The following HLTF variants were observed in gnomAD, a reference collection of about 807,000 sequenced individuals.
HLTF encodes helicase like transcription factor.
A neutral mutation model predicts 129.4 loss-of-function variants in HLTF; 127 were observed. The observed-to-expected ratio is 0.98, with a 90% CI of 0.85 to 1.14. The LOEUF (loss-of-function observed/expected upper bound fraction) is 1.14. Ranked by LOEUF, HLTF falls within the 50% of genes most tolerant of loss-of-function variation. HLTF has a pLI of 0.00. For missense variants in HLTF, 1,139 were observed against 1,187.1 expected (o/e 0.96, Z 0.60); for synonymous variants, 332 against 388.8 (o/e 0.85, Z 1.72).
At chr3:149,075,017 G>C (rs1221979366) in intron 3 of HLTF, among the ~76,000 whole-genome samples, 3 of 152,182 alleles carry the variant, frequency 2.0e-5, no homozygotes, top group African/African-American at 7.2e-5. Context: ...TAAAGGGAGA[G>C]TTCCAGTCAA....
intron 13 of HLTF, among the ~76,000 whole-genome samples, chr3:149,056,592 A>G (rs956793358): frequency 2.0e-5 from 3 of 152,230 alleles, no homozygotes; most frequent in African/African-American, 7.2e-5. Context: ...AAGACCCTCA[A>G]TAGATACTTA....
intron 3 of HLTF, among the ~76,000 whole-genome samples, chr3:149,075,589 C>G (rs775789409): frequency 9.2e-5 from 14 of 152,154 alleles, no homozygotes; most frequent in Non-Finnish European, 1.6e-4. Flanking sequence ...TTCCAAATTC[C>G]TAAACCTAGG....
rs774561056 is a variant in HLTF at position 149,050,228 on chromosome 3, TTACTCCA to T, written c.1614_1617+3del. On this transcript the variant is annotated splice_donor_variant and splice_donor_region_variant and coding_sequence_variant and intron_variant, in exon 15 of 25. Coordinates refer to ENST00000310053, the MANE Select transcript of HLTF (RefSeq NM_003071.4). LOFTEE classifies it high-confidence loss of function. ...AAGATCTGTTAAGTATCAACAATAC[TTACTCCA>T]TAGTCATGAGTTAAAATATTATACG... 2 of 1,552,726 alleles carry T rather than the reference TTACTCCA, an allele frequency of 1.3e-6. No individual in the cohort carries two copies. Among genetic ancestry groups the T allele is most frequent in the Middle Eastern group, 3.4e-4 (2 of 5,812 alleles).
At chr3:149,060,750 A>T in intron 11 of HLTF, 29 bp downstream of exon 11, 1 of 1,604,734 alleles carries the variant, frequency 6.2e-7, no homozygotes, top group Non-Finnish European at 8.5e-7. Flanking sequence ...TATAGGACAC[A>T]TTATCAAATC....
Position 149,046,196 on chromosome 3 carries a change from T to C in HLTF, c.1956A>G (p.Gly652=). 6.2e-7 allele frequency: 1 copy of C among 1,607,786 alleles called. No individual in the cohort carries two copies. Among genetic ancestry groups the C allele is most frequent in the Non-Finnish European group, 8.5e-7 (1 of 1,175,308 alleles). The part of the protein sequence containing the change: ...LRRTKTSKIK[G]KPVLELPERK... ...GTTCTGGTAACTCCAAAACAGGTTT[T>C]CCTTTAATTTTGCTTGTCTTTGTTC... The change falls in exon 18 of 25, where the codon GGA becomes GGG. Residue 652 remains glycine, a synonymous_variant. Coordinates refer to ENST00000310053, the MANE Select transcript of HLTF (RefSeq NM_003071.4).
chr3:149,034,350 C>T (rs1256128995), intron 24 of HLTF, among the ~76,000 whole-genome samples: 3 of 151,902 alleles, frequency 2.0e-5, no homozygotes, highest in South Asian at 2.1e-4. Context: ...AAATATATTA[C>T]GATATATCTA....
chr3:149,037,802 T>C (rs552142265), intron 23 of HLTF, among the ~76,000 whole-genome samples: 3 of 152,314 alleles, frequency 2.0e-5, no homozygotes, highest in East Asian at 1.9e-4. Context: ...TTAGCCCACA[T>C]AGTACCCAGT....
chr3:149,033,399 T>G (rs1715301483), intron 24 of HLTF, among the ~76,000 whole-genome samples: 1 of 152,122 alleles, frequency 6.6e-6, no homozygotes, highest in Non-Finnish European at 1.5e-5. Context: ...AATGGGATTT[T>G]ATAACTAAAA....
intron 2 of HLTF, among the ~76,000 whole-genome samples, chr3:149,081,096 C>T (rs1719819867): frequency 6.6e-6 from 1 of 151,984 alleles, no homozygotes; most frequent in Non-Finnish European, 1.5e-5. Context: ...ACATCTTGTT[C>T]ACTCTGTTTC....
chr3:149,073,987 A>T (rs1394105344), intron 4 of HLTF, among the ~76,000 whole-genome samples: 3 of 152,030 alleles, frequency 2.0e-5, no homozygotes, highest in Non-Finnish European at 4.4e-5. Context: ...TTTTTCTTTA[A>T]TTTTTTTAAT....
chr3:149,073,417 G>A (rs1299228085), intron 4 of HLTF, 95 bp from the exon 5 acceptor site: 1 of 855,466 alleles, frequency 1.2e-6, no homozygotes, highest in Non-Finnish European at 1.8e-6. Flanking sequence ...AACAGGGCTG[G>A]GTGCTGTGGC....
intron 16 of HLTF, 34 bp from the exon 17 acceptor site, chr3:149,048,197 AC>A (rs1391812826): frequency 1.3e-6 from 2 of 1,563,840 alleles, no homozygotes; most frequent in Non-Finnish European, 1.7e-6. Flanking sequence ...TAACTCTTTA[AC>A]CAGAGTATCC....
At chr3:149,044,115 C>G (rs1716347072) in intron 18 of HLTF, among the ~76,000 whole-genome samples, 1 of 152,086 alleles carries the variant, frequency 6.6e-6, no homozygotes, top group East Asian at 1.9e-4. Context: ...TGTAAGTCAC[C>G]TAAACTGCTC....
intron 14 of HLTF, among the ~76,000 whole-genome samples, chr3:149,054,712 G>C: frequency 6.6e-6 from 1 of 152,128 alleles, no homozygotes; most frequent in Non-Finnish European, 1.5e-5. Flanking sequence ...TTTCTGATGG[G>C]TAGTGTTAAA....
intron 23 of HLTF, among the ~76,000 whole-genome samples, chr3:149,038,804 C>A (rs1230403148): frequency 6.6e-6 from 1 of 152,184 alleles, no homozygotes; most frequent in East Asian, 1.9e-4. Flanking sequence ...TGTGCCACAG[C>A]ACCTGGCCAA....
chr3:149,042,712 C>T (rs141929036), intron 18 of HLTF, among the ~76,000 whole-genome samples: 40 of 152,198 alleles, frequency 2.6e-4, no homozygotes, highest in Middle Eastern at 3.4e-3. Context: ...CAGAAACATA[C>T]AGGTGCACTG....
intron 16 of HLTF, 91 bp downstream of exon 16, chr3:149,048,772 C>A: frequency 1.1e-6 from 1 of 927,850 alleles, no homozygotes; most frequent in East Asian, 2.4e-5. Flanking sequence ...AGAATTTACA[C>A]CCACTTTAAG....
chr3:149,050,430 T>C, intron 14 of HLTF, 55 bp from the exon 15 acceptor site: 1 of 1,253,500 alleles, frequency 8.0e-7, no homozygotes, highest in Non-Finnish European at 1.1e-6. Flanking sequence ...TCAGACTTAA[T>C]AGATGTATAA....
chr3:149,086,363 C>A lies in HLTF; in HGVS notation c.-27G>T, dbSNP rs775539806. 2.5e-6 allele frequency: 4 copies of A among 1,576,998 alleles called. No homozygotes were observed. The highest frequency in any genetic ancestry group is 3.4e-6 in the Non-Finnish European group (4 of 1,160,936). On this transcript the variant is annotated 5_prime_UTR_variant, in exon 1 of 25. Coordinates refer to ENST00000310053, the MANE Select transcript of HLTF (RefSeq NM_003071.4). ...GCGCTGAGTGGGATGACAAGAGGAG[C>A]GCCTCGGCTCCCCTGGATCGTTTTC...
Sources: allele counts gnomAD v4.1 joint callset (sites outside exome capture counted in the v4.1 genomes callset), GRCh38; gene constraint gnomAD v4.1.1; transcripts MANE v1.5; gene names NCBI Gene and HGNC (gene_info 2026-07-23, HGNC 2026-07-21).